PEX11G: variants seen among roughly 807,000 people sequenced by gnomAD.
PEX11G encodes the protein peroxisomal membrane protein 11C.
PEX11G carries 20 observed loss-of-function variants against 22.5 expected under a neutral mutation model. The ratio of observed to expected loss-of-function variants is 0.89; its 90% CI spans 0.62 to 1.29. The LOEUF (loss-of-function observed/expected upper bound fraction) is 1.29. PEX11G is among the 50% of genes most tolerant of loss of function. The probability of loss-of-function intolerance (pLI) is 0.00; values close to 1 mark genes in which losing one functional copy is unlikely to be tolerated. For synonymous variants in PEX11G, 141 were observed against 154.5 expected (o/e 0.91, Z 0.65); for missense variants, 347 against 331.3 (o/e 1.05, Z -0.37).
intron 4 of PEX11G, 49 bp downstream of exon 4, chr19:7,478,265 G>A (rs750567577): frequency 3.8e-6 from 6 of 1,584,232 alleles, no homozygotes; most frequent in East Asian, 4.5e-5. Flanking sequence ...GGGATCCCAC[G>A]CCTGCTGGAG....
At chr19:7,487,618 C>T (rs2021721709) in intron 1 of PEX11G, among the ~76,000 whole-genome samples, 1 of 152,144 alleles carries the variant, frequency 6.6e-6, no homozygotes, top group South Asian at 2.1e-4. Flanking sequence ...GACGAGGTTT[C>T]ATCACTTTTC....
chr19:7,487,773 TTTTA>T (rs1233255503), intron 1 of PEX11G, among the ~76,000 whole-genome samples: 4 of 152,194 alleles, frequency 2.6e-5, no homozygotes, highest in Admixed American at 6.6e-5. Context: ...GTTCCTGTTG[TTTTA>T]TTTATTTTTA....
At chr19:7,482,345 C>A in intron 2 of PEX11G, 134 bp from the exon 3 acceptor site, 5 of 1,067,010 alleles carry the variant, frequency 4.7e-6, no homozygotes, top group African/African-American at 1.6e-5. Context: ...TGGCAGGCCC[C>A]GCGGGAGAAA....
chr19:7,482,181 C>A lies in PEX11G; in HGVS notation c.280G>T (p.Val94Phe), dbSNP rs772329624. Residue 94 changes from valine (V) to phenylalanine (F), a missense_variant, in exon 3 of 5, where the codon GTC becomes TTC. By Grantham distance (50) the Val-to-Phe change is conservative. Transcript: ENST00000221480. ...AGCTGGTCAGCCAGGTTCCCTAGGA[C>A]GGAGACACAGCGGACAAAGGCGTCC... Reference protein sequence around the residue: ...EEDAFVRCVSVLGNLADQLYY... With the variant: ...EEDAFVRCVSFLGNLADQLYY... The A allele has an allele frequency of 1.9e-6, 3 of 1,582,536 alleles. No homozygotes were observed. In the East Asian group the frequency reaches 7.0e-5, roughly 37 times the overall value.
At chr19:7,493,939 G>A (rs1367391219), upstream of PEX11G, among the ~76,000 whole-genome samples, 2 of 145,876 alleles carry the variant, frequency 1.4e-5, no homozygotes, top group Non-Finnish European at 3.0e-5. Context: ...TCAGAGTCTC[G>A]CTCTGTCACC....
At chr19:7,477,887 T>C (rs114736522) in intron 4 of PEX11G, among the ~76,000 whole-genome samples, 3,391 of 152,330 alleles carry the variant, frequency 0.022, 138 homozygotes, top group African/African-American at 0.078. Context: ...CCAGGCGTGC[T>C]GGCCCGTGCC....
intron 2 of PEX11G, among the ~76,000 whole-genome samples, chr19:7,484,212 C>G (rs1977642610): frequency 6.6e-6 from 1 of 151,684 alleles, no homozygotes; most frequent in African/African-American, 2.4e-5. Flanking sequence ...AAAAATTAAC[C>G]AGGTGTGGTG....
chr19:7,494,668 G>A (rs887594858), intron 1 of PEX11G, among the ~76,000 whole-genome samples: 2 of 152,146 alleles, frequency 1.3e-5, no homozygotes, highest in African/African-American at 4.8e-5. Flanking sequence ...AGACACAGGA[G>A]CTGGCCTGGT....
chr19:7,476,875 G>A lies in PEX11G; in HGVS notation c.*327C>T, dbSNP rs1475309477. 2 of 301,658 alleles carry A rather than the reference G, an allele frequency of 6.6e-6. No individual in the cohort carries two copies. Among genetic ancestry groups the A allele is most frequent in the Non-Finnish European group, 1.2e-5 (2 of 163,392 alleles). The allele number at this position is 301,658 out of a possible 1,614,324, so 18.7% of individuals were successfully genotyped here. On this transcript the variant is annotated 3_prime_UTR_variant, in exon 5 of 5. Coordinates refer to ENST00000221480, the MANE Select transcript of PEX11G (RefSeq NM_080662.4). Reference sequence around the variant, plus strand: ...AATAACCTTCACCCCTGAGCCAGGCGCCAGCACCACAATGTTTAATTGATT... The same window carrying A: ...AATAACCTTCACCCCTGAGCCAGGCACCAGCACCACAATGTTTAATTGATT...
rs775227869 is a variant in PEX11G, at chr19:7,488,958, TC to T, written c.52del (p.Asp18ThrfsTer3). On this transcript the variant is annotated frameshift_variant, in exon 1 of 5. Coordinates refer to ENST00000221480, the MANE Select transcript of PEX11G (RefSeq NM_080662.4). LOFTEE classifies it high-confidence loss of function. ...ASALESYRGRDRLIRVLGYCC... is the reference protein window; with the variant it reads ...ASALESYRGRXRLIRVLGYCC... ...GGTCCGCCCCTGCCTCACCAGGCGG[TC>T]CCGGCCCCTGTACGACTCCAGCGCC... 4.5e-6 allele frequency: 7 copies of T among 1,554,072 alleles called. No individual in the cohort carries two copies. In the Admixed American group the frequency reaches 1.3e-4, roughly 30 times the overall value.
At chr19:7,490,176 G>A (rs2021847420), upstream of PEX11G, among the ~76,000 whole-genome samples, 1 of 151,196 alleles carries the variant, frequency 6.6e-6, no homozygotes, top group African/African-American at 2.4e-5. Flanking sequence ...CTTTTCCTTC[G>A]TCTTGTCACT....
intron 3 of PEX11G, 64 bp from the exon 4 acceptor site, chr19:7,478,440 C>G (rs1030779389): frequency 8.5e-6 from 13 of 1,521,340 alleles, no homozygotes; most frequent in Non-Finnish European, 1.2e-5. Flanking sequence ...CTCCACAACG[C>G]TGGCCCCGGA....
At chr19:7,483,743 G>A (rs1375263217) in intron 2 of PEX11G, among the ~76,000 whole-genome samples, 2 of 152,172 alleles carry the variant, frequency 1.3e-5, no homozygotes, top group Admixed American at 6.5e-5. Context: ...GGGAGCACCT[G>A]AGTAGCAAGT....
At chr19:7,493,013 G>A (rs942568915), upstream of PEX11G, 1 of 152,344 alleles carries the variant, frequency 6.6e-6, no homozygotes, top group South Asian at 2.1e-4. Context: ...GTTACCTGCT[G>A]GTGACCTGTC....
At chr19:7,478,914 G>A (rs1029111976) in intron 3 of PEX11G, among the ~76,000 whole-genome samples, 15 of 152,140 alleles carry the variant, frequency 9.9e-5, no homozygotes, top group Non-Finnish European at 1.5e-5. Flanking sequence ...TGAGGAAGGG[G>A]CTACCCAGTG....
At chr19:7,483,020 C>T (rs979891210) in intron 2 of PEX11G, among the ~76,000 whole-genome samples, 1 of 152,202 alleles carries the variant, frequency 6.6e-6, no homozygotes, top group Non-Finnish European at 1.5e-5. Flanking sequence ...AGCGCTGAAG[C>T]CTGGTTTCTG....
intron 1 of PEX11G, among the ~76,000 whole-genome samples, chr19:7,487,525 C>A (rs113309635): frequency 0.016 from 2,486 of 152,190 alleles, 69 homozygotes; most frequent in African/African-American, 0.056. Flanking sequence ...CAGGTTCAAG[C>A]AATTCTCCCG....
rs951928022 is a variant in PEX11G at position 7,477,036 on chromosome 19, C to A, written c.*166G>T. 6 of 541,620 alleles carry A rather than the reference C, an allele frequency of 1.1e-5. No individual in the cohort carries two copies. Among genetic ancestry groups the A allele is most frequent in the African/African-American group, 2.0e-5 (1 of 50,796 alleles). The allele number at this position is 541,620 out of a possible 1,614,324, so 33.6% of individuals were successfully genotyped here. A position where few individuals can be genotyped will look rare whatever the true frequency, so the allele number is the denominator to read the frequency against. On this transcript the variant is annotated 3_prime_UTR_variant, in exon 5 of 5. Coordinates refer to ENST00000221480, the MANE Select transcript of PEX11G (RefSeq NM_080662.4). The stretch of plus-strand genomic sequence containing the variant: ...GAAAACTGTCACGGCTCAGGAGCTC[C>A]AGGCTGAGGCCTGGGGGACCTCGCA...
chr19:7,481,726 G>C (rs1472798831), intron 3 of PEX11G, among the ~76,000 whole-genome samples: 1 of 152,180 alleles, frequency 6.6e-6, no homozygotes. Context: ...CCTCCCCCTG[G>C]GACCTCCAGA....
Sources: allele counts gnomAD v4.1 joint callset (sites outside exome capture counted in the v4.1 genomes callset), GRCh38; gene constraint gnomAD v4.1.1; transcripts MANE v1.5; gene names NCBI Gene and HGNC (gene_info 2026-07-23, HGNC 2026-07-21).